The following ATP1A4 variants were observed in gnomAD, a reference collection of about 807,000 sequenced individuals.
The protein encoded by ATP1A4 is sodium/potassium-transporting ATPase subunit alpha-4.
Under a neutral mutation model 114.3 loss-of-function variants are expected in ATP1A4, and 90 were observed. That is an observed-to-expected ratio of 0.79 (90% confidence interval 0.66 to 0.94). The LOEUF (loss-of-function observed/expected upper bound fraction) is 0.94, where lower values mean the gene tolerates loss of function less well. Among genes scored for constraint, ATP1A4 ranks in the 40% least tolerant of loss-of-function variants. The probability of loss-of-function intolerance (pLI) is 0.00; values close to 1 mark genes in which losing one functional copy is unlikely to be tolerated. For synonymous variants in ATP1A4, 511 were observed against 494.1 expected (o/e 1.03, Z -0.45); for missense variants, 1,222 against 1,313.6 (o/e 0.93, Z 1.08).
At chr1:160,182,172 G>C in intron 20 of ATP1A4, 141 bp downstream of exon 20, 1 of 697,114 alleles carries the variant, frequency 1.4e-6, no homozygotes, top group South Asian at 1.6e-5. Context: ...GATACAAGGA[G>C]AGTCATCTGT....
intron 3 of ATP1A4, 102 bp downstream of exon 3, chr1:160,155,350 C>T: frequency 2.8e-6 from 2 of 711,616 alleles, no homozygotes; most frequent in South Asian, 1.9e-5. Flanking sequence ...GGCCCAAATC[C>T]CTAATTACAT....
chr1:160,186,049 T>G (rs961942716), intron 20 of ATP1A4, among the ~76,000 whole-genome samples: 2 of 125,356 alleles, frequency 1.6e-5, no homozygotes, highest in Admixed American at 2.1e-4. Context: ...GAGCCGAGAT[T>G]GCACTCCAGC....
intron 17 of ATP1A4, among the ~76,000 whole-genome samples, chr1:160,176,953 G>GT (rs1419446734): frequency 6.6e-6 from 1 of 152,184 alleles, no homozygotes; most frequent in Non-Finnish European, 1.5e-5. Flanking sequence ...GCTTAGACTA[G>GT]TAAGTGTATG....
chr1:160,153,232 A>G lies in ATP1A4; in HGVS notation c.207+8A>G, dbSNP rs1249440390. 3 of 1,613,060 alleles carry G rather than the reference A, an allele frequency of 1.9e-6. No homozygotes were observed. The highest frequency in any genetic ancestry group is 2.2e-5 in the South Asian group (2 of 91,052). ...TCCGTGGACCTGACAAAGGTGAGTA[A>G]GAAGCTCCCTGAGGAGGCAGAGAGT... is the stretch of plus-strand genomic sequence containing the variant. On this transcript the variant is annotated splice_region_variant and intron_variant, in intron 2 of 21. Transcript: ENST00000368081.
rs779315936 is a variant in ATP1A4, at chr1:160,159,455, C to T, written c.707C>T (p.Ser236Phe). The change falls in exon 6 of 22, where the codon TCC becomes TTC. Residue 236 changes from serine (S) to phenylalanine (F), a missense_variant. Ser to Phe is a radical substitution (Grantham distance 155). Transcript: ENST00000368081. ...GGGGAGTCAGAACCCCAGAGCCGCT[C>T]CCCTGACTTCACCCATGAGAACCCT... ...LTGESEPQSR[S>F]PDFTHENPLE... 20 of 1,613,914 alleles carry T rather than the reference C, an allele frequency of 1.2e-5. No individual in the cohort carries two copies. In the African/African-American group the frequency reaches 2.3e-4, roughly 18 times the overall value.
chr1:160,160,666 C>T (rs1652837112), intron 6 of ATP1A4, among the ~76,000 whole-genome samples: 1 of 152,110 alleles, frequency 6.6e-6, no homozygotes, highest in South Asian at 2.1e-4. Flanking sequence ...TCCAAGAGTA[C>T]AACTCAATAG....
rs748209645 is a variant in ATP1A4, at chr1:160,171,609, G to C, written c.1706G>C (p.Ser569Thr). The C allele has an allele frequency of 1.2e-6, 2 of 1,614,052 alleles. No homozygotes were observed. Among genetic ancestry groups the C allele is most frequent in the Non-Finnish European group, 1.7e-6 (2 of 1,179,982 alleles). ...VLGFCFLNLP[S>T]SFSKGFPFNT... The stretch of plus-strand genomic sequence containing the variant: ...GGCTTCTGCTTCTTGAATCTGCCTA[G>C]CAGCTTCTCCAAGGGATTCCCATTT... Residue 569 changes from serine to threonine, a missense_variant, in exon 12 of 22, where the codon AGC becomes ACC. Transcript: ENST00000368081.
rs757362998 is a variant in ATP1A4 at position 160,166,957 on chromosome 1, T to C, written c.1247-11T>C. ...TTCCCTGCTCACAATTCTTCTTTTCTTTCTCCCTAGGAAAAACATTTACCA... is the reference window on the plus strand; with the variant it reads ...TTCCCTGCTCACAATTCTTCTTTTCCTTCTCCCTAGGAAAAACATTTACCA... On this transcript the variant is annotated splice_polypyrimidine_tract_variant and intron_variant, in intron 8 of 21. Transcript: ENST00000368081. The C allele has an allele frequency of 5.0e-6, 8 of 1,613,352 alleles. No individual in the cohort carries two copies. The South Asian group carries it at 8.8e-5, about 18-fold the overall frequency.
rs1229816853 is a variant in ATP1A4, at chr1:160,176,226, A to T, written c.2446A>T (p.Ile816Phe). Residue 816 changes from isoleucine (I) to phenylalanine (F), a missense_variant, in exon 16 of 22, where the codon ATT becomes TTT. Coordinates refer to ENST00000368081, the MANE Select transcript of ATP1A4 (RefSeq NM_144699.4). ...TCTGGGAACCATAACCATCCTCTGC[A>T]TTGATCTCGGCACTGACATGGTAAG... is the stretch of plus-strand genomic sequence containing the variant. ...LPLGTITILC[I>F]DLGTDMVPAI... The T allele has an allele frequency of 6.2e-7, 1 of 1,613,962 alleles. No individual in the cohort carries two copies. Among genetic ancestry groups the T allele is most frequent in the Admixed American group, 1.7e-5 (1 of 59,994 alleles).
chr1:160,160,506 C>A (rs959299184), intron 6 of ATP1A4, among the ~76,000 whole-genome samples: 7 of 152,152 alleles, frequency 4.6e-5, no homozygotes, highest in Admixed American at 2.6e-4. Flanking sequence ...CGTGAGCCAC[C>A]ATACCCAGCC....
chr1:160,176,132 C>T lies in ATP1A4; in HGVS notation c.2352C>T (p.Tyr784=). 1 of 1,614,114 alleles carries T rather than the reference C, an allele frequency of 6.2e-7. No homozygotes were observed. The highest frequency in any genetic ancestry group is 2.2e-5 in the East Asian group (1 of 44,878). The change falls in exon 16 of 22, where the codon TAC becomes TAT. Residue 784 remains tyrosine (Y), a synonymous_variant. Transcript: ENST00000368081. ...ACAACCTGAAGAAATCCATCATGTA[C>T]ACCCTGACCAGCAACATCCCCGAGA... is the stretch of plus-strand genomic sequence containing the variant. ...IFDNLKKSIM[Y]TLTSNIPEIT...
intron 9 of ATP1A4, 43 bp downstream of exon 9, chr1:160,167,120 G>T: frequency 6.3e-7 from 1 of 1,595,774 alleles, no homozygotes; most frequent in East Asian, 2.2e-5. Flanking sequence ...TGTCCAGGGT[G>T]TAACCTGACC....
chr1:160,182,072 C>CG (rs1557809176), intron 20 of ATP1A4, 41 bp downstream of exon 20: 2 of 1,503,988 alleles, frequency 1.3e-6, no homozygotes, highest in Admixed American at 1.7e-5. Context: ...TGTGCAGGCA[C>CG]GGGGGAGCAT....
chr1:160,158,544 T>C (rs1027893941), intron 4 of ATP1A4, among the ~76,000 whole-genome samples: 1 of 151,274 alleles, frequency 6.6e-6, no homozygotes, highest in Admixed American at 6.6e-5. Context: ...ACCTGGCTAA[T>C]TTTTTTTTCA....
chr1:160,176,465 C>A lies in ATP1A4; in HGVS notation c.2467-14C>A, dbSNP rs1015146498. ...ACTTTGTGACCCCTGTCATCCCCAC[C>A]CTCCATCCTCCAGGTCCCTGCCATC... On this transcript the variant is annotated splice_polypyrimidine_tract_variant and intron_variant, in intron 16 of 21. Coordinates refer to ENST00000368081, the MANE Select transcript of ATP1A4 (RefSeq NM_144699.4). The A allele has an allele frequency of 1.2e-6, 2 of 1,613,990 alleles. No individual in the cohort carries two copies. Among genetic ancestry groups the A allele is most frequent in the Admixed American group, 1.7e-5 (1 of 60,000 alleles).
At chr1:160,158,979 G>T in intron 4 of ATP1A4, 23 bp from the exon 5 acceptor site, 2 of 1,605,778 alleles carry the variant, frequency 1.2e-6, no homozygotes, top group Non-Finnish European at 1.7e-6. Context: ...TTTTGGAAAT[G>T]ATCCTGCACT....
chr1:160,182,139 A>G (rs971488030), intron 20 of ATP1A4, 108 bp downstream of exon 20: 1 of 832,050 alleles, frequency 1.2e-6, no homozygotes, highest in African/African-American at 1.7e-5. Flanking sequence ...GCCTGGATAC[A>G]TGGAGCTACA....
chr1:160,181,632 G>C, intron 18 of ATP1A4, 52 bp from the exon 19 acceptor site: 1 of 1,606,008 alleles, frequency 6.2e-7, no homozygotes, highest in Non-Finnish European at 8.5e-7. Context: ...GAAGCCTTAG[G>C]GTGTACAGAA....
intron 6 of ATP1A4, among the ~76,000 whole-genome samples, chr1:160,162,891 A>C (rs1652910164): frequency 6.6e-6 from 1 of 152,244 alleles, no homozygotes. Context: ...ATTAAGTATA[A>C]TAAAGGCCTT....
Sources: gnomAD v4.1 joint callset for allele counts (sites outside exome capture counted in the v4.1 genomes callset) on GRCh38, gnomAD v4.1.1 for gene constraint, MANE v1.5 for transcripts, NCBI Gene and HGNC (gene_info 2026-07-23, HGNC 2026-07-21) for gene names.